WAC: variants seen among roughly 807,000 people sequenced by gnomAD.
The protein encoded by WAC is WW domain containing adaptor with coiled-coil.
A neutral mutation model predicts 79.6 loss-of-function variants in WAC; 11 were observed. The ratio of observed to expected loss-of-function variants is 0.14; its 90% CI spans 0.09 to 0.23. The LOEUF (loss-of-function observed/expected upper bound fraction) is 0.23, where lower values mean the gene tolerates loss of function less well. Ranked by LOEUF, WAC falls within the 10% of genes least tolerant of loss-of-function variation. WAC has a pLI of 1.00. For synonymous variants in WAC, 304 were observed against 276.9 expected (o/e 1.10, Z -0.97); for missense variants, 728 against 773.5 (o/e 0.94, Z 0.70).
intron 3 of WAC, among the ~76,000 whole-genome samples, chr10:28,541,118 T>A (rs1169166700): frequency 6.6e-6 from 1 of 152,216 alleles, no homozygotes; most frequent in African/African-American, 2.4e-5. Context: ...ACAGTCTTAA[T>A]TGAACTGTTT....
chr10:28,559,136 A>ATTGTGTG lies in WAC; in HGVS notation c.274+23380_274+23381insTGTGTGT, dbSNP rs1554780979. ...TAAATCTCTGCTCTCGAGAAACCTG[A>ATTGTGTG]TGTGTGTGTGTGTGTGTGTGTGTGT... On this transcript the variant is annotated intron_variant, in intron 3 of 13. Coordinates refer to ENST00000354911, the MANE Select transcript of WAC (RefSeq NM_016628.5). Among the ~76,000 whole-genome samples, 7 of 146,762 alleles carry ATTGTGTG rather than the reference A, an allele frequency of 4.8e-5. No individual in the cohort carries two copies. The South Asian group carries it at 1.3e-3, about 28-fold the overall frequency.
rs1841669533 is a variant in WAC at position 28,621,055 on chromosome 10, C to G, written c.*1449C>G. On this transcript the variant is annotated 3_prime_UTR_variant, in exon 14 of 14. Transcript: ENST00000354911. ...TTAGTCACATAGCCTTAGCTTCACA[C>G]TGCCAGTAATGTATCAAATCACAAG... The G allele has an allele frequency of 6.6e-6, 1 of 151,974 alleles. No homozygotes were observed. The highest frequency in any genetic ancestry group is 2.4e-5 in the African/African-American group (1 of 41,390). 9.4% of individuals were successfully genotyped at this position (151,974 alleles called of 1,614,324 possible). A position where few individuals can be genotyped will look rare whatever the true frequency, so the allele number is the denominator to read the frequency against.
intron 3 of WAC, among the ~76,000 whole-genome samples, chr10:28,563,058 A>G (rs1455727971): frequency 1.3e-5 from 2 of 152,156 alleles, no homozygotes; most frequent in Non-Finnish European, 2.9e-5. Flanking sequence ...CTCTTTCAGC[A>G]TGACTCTTTT....
intron 11 of WAC, 111 bp downstream of exon 11, chr10:28,614,796 A>G: frequency 9.0e-6 from 8 of 886,318 alleles, no homozygotes; most frequent in Non-Finnish European, 1.2e-5. Context: ...CTCCATGAAT[A>G]CCCTAAAGTA....
chr10:28,608,290 G>A lies in WAC; in HGVS notation c.1024G>A (p.Ala342Thr). The change falls in exon 8 of 14, where the codon GCG becomes ACG. Residue 342 changes from alanine (A) to threonine (T), a missense_variant. Transcript: ENST00000354911. ...PTSAPPTSAS[A>T]VPVSPVPQSP... ...ATCTGCACCTCCAACATCTGCTTCA[G>A]CGGTCCCTGTTTCTCCTGTTCCACA... is the stretch of plus-strand genomic sequence containing the variant. The A allele has an allele frequency of 1.2e-6, 2 of 1,614,140 alleles. No individual in the cohort carries two copies. The highest frequency in any genetic ancestry group is 1.7e-6 in the Non-Finnish European group (2 of 1,180,020).
chr10:28,612,015 A>G, intron 10 of WAC, 93 bp downstream of exon 10: 1 of 1,463,880 alleles, frequency 6.8e-7, no homozygotes, highest in East Asian at 2.3e-5. Flanking sequence ...AAGCCCTCTG[A>G]GAATGAGGTG....
intron 3 of WAC, among the ~76,000 whole-genome samples, chr10:28,563,865 C>T (rs996123511): frequency 6.7e-6 from 1 of 149,484 alleles, no homozygotes; most frequent in Admixed American, 6.8e-5. Flanking sequence ...TCCCAAAGTG[C>T]TGGAATTAAA....
In WAC at chr10:28,570,946, C is replaced by CT. The variant is rs139500035; in HGVS notation, c.275-12425dup. 4.0e-3 allele frequency among the ~76,000 whole-genome samples: 258 copies of CT among 64,542 alleles called. 26 individuals carry two copies. The highest frequency in any genetic ancestry group is 0.014 in the Middle Eastern group (1 of 70). The allele number at this position is 64,542 out of a possible 152,430, so 42.3% of individuals were successfully genotyped here. A position where few individuals can be genotyped will look rare whatever the true frequency, so the allele number is the denominator to read the frequency against. The stretch of plus-strand genomic sequence containing the variant: ...TAGTTGTGTTATCCTTAAAGATATA[C>CT]TTTTTTTTTTTTTTTTTTTTTTTTT... On this transcript the variant is annotated intron_variant, in intron 3 of 13. Transcript: ENST00000354911.
At chr10:28,562,129 T>C (rs375559139) in intron 3 of WAC, among the ~76,000 whole-genome samples, 2 of 152,112 alleles carry the variant, frequency 1.3e-5, no homozygotes, top group Non-Finnish European at 2.9e-5. Flanking sequence ...GCCATCTTGG[T>C]TCACTGCAAC....
intron 3 of WAC, among the ~76,000 whole-genome samples, chr10:28,540,144 T>TA (rs1836930662): frequency 6.6e-6 from 1 of 152,218 alleles, no homozygotes; most frequent in Admixed American, 6.5e-5. Flanking sequence ...AGAAATGTTG[T>TA]ATAGAAAGTA....
At chr10:28,615,208 C>G (rs1168507774) in intron 11 of WAC, 1 of 152,216 alleles carries the variant, frequency 6.6e-6, no homozygotes, top group African/African-American at 2.4e-5. Flanking sequence ...AACAACACAA[C>G]TTTAAATGAC....
intron 3 of WAC, among the ~76,000 whole-genome samples, chr10:28,544,179 A>T (rs1160589724): frequency 1.3e-5 from 2 of 152,150 alleles, no homozygotes; most frequent in Non-Finnish European, 2.9e-5. Context: ...CACTGAGCCC[A>T]CTTCTTTCCA....
At chr10:28,594,859 G>A (rs866086416) in intron 6 of WAC, among the ~76,000 whole-genome samples, 3 of 152,120 alleles carry the variant, frequency 2.0e-5, no homozygotes, top group Non-Finnish European at 4.4e-5. Context: ...TGGACACTTT[G>A]AATGAACTTC....
intron 11 of WAC, 82 bp from the exon 12 acceptor site, chr10:28,616,091 A>C (rs530337979): frequency 2.2e-4 from 249 of 1,120,194 alleles, no homozygotes; most frequent in Non-Finnish European, 3.0e-4. Context: ...AAGTTAATAA[A>C]AGGTATTAAC....
rs16928997 is a variant in WAC at position 28,595,566 on chromosome 10, T to A, written c.611-167T>A. ...CTTCCAGTATTGCATATTTACATGCTAGTGGTAAAACTGCAGACACTAACT... is the reference window on the plus strand; with the variant it reads ...CTTCCAGTATTGCATATTTACATGCAAGTGGTAAAACTGCAGACACTAACT... On this transcript the variant is annotated intron_variant, in intron 6 of 13. Coordinates refer to ENST00000354911, the MANE Select transcript of WAC (RefSeq NM_016628.5). Among the ~76,000 whole-genome samples the A allele has an allele frequency of 4.3e-3, 655 of 152,312 alleles. 2 individuals carry two copies. Among genetic ancestry groups the A allele is most frequent in the African/African-American group, 0.015 (626 of 41,578 alleles).
intron 3 of WAC, among the ~76,000 whole-genome samples, chr10:28,578,206 C>T (rs1343563866): frequency 6.7e-6 from 1 of 149,834 alleles, no homozygotes; most frequent in Non-Finnish European, 1.5e-5. Flanking sequence ...ATTAGAATCT[C>T]TGAGAAAGAC....
chr10:28,536,578 A>C (rs750772802), intron 3 of WAC, among the ~76,000 whole-genome samples: 13 of 152,192 alleles, frequency 8.5e-5, no homozygotes, highest in Non-Finnish European at 1.5e-4. Flanking sequence ...AGTATTCTCC[A>C]GTTTTGGTGA....
At chr10:28,612,602 T>C (rs1841293999) in intron 10 of WAC, among the ~76,000 whole-genome samples, 1 of 152,188 alleles carries the variant, frequency 6.6e-6, no homozygotes, top group African/African-American at 2.4e-5. Flanking sequence ...TAATGCCAAA[T>C]AATTCTTTGT....
At position 28,610,748 on chromosome 10, in the gene WAC, G is replaced by A. The variant is rs760706744; in HGVS notation, c.1215G>A (p.Lys405=). Reference sequence around the variant, plus strand: ...CCTCACTGCAGTCTATAATTCATAAGTTTCTTACTGCTGGACCATCTGCTT... The same window carrying A: ...CCTCACTGCAGTCTATAATTCATAAATTTCTTACTGCTGGACCATCTGCTT... ...TQASLQSIIH[K]FLTAGPSAFN... The change falls in exon 9 of 14, where the codon AAG becomes AAA. Residue 405 remains lysine, a synonymous_variant. Coordinates refer to ENST00000354911, the MANE Select transcript of WAC (RefSeq NM_016628.5). 7 of 1,612,570 alleles carry A rather than the reference G, an allele frequency of 4.3e-6. No individual in the cohort carries two copies. Among genetic ancestry groups the A allele is most frequent in the Non-Finnish European group, 5.9e-6 (7 of 1,179,680 alleles).
Sources: gnomAD v4.1 joint callset for allele counts (sites outside exome capture counted in the v4.1 genomes callset) on GRCh38, gnomAD v4.1.1 for gene constraint, MANE v1.5 for transcripts, NCBI Gene and HGNC (gene_info 2026-07-23, HGNC 2026-07-21) for gene names.